Variants in ZFP91 observed in about 807,000 individuals in gnomAD.
ZFP91 encodes the protein ZFP91 zinc finger protein, atypical E3 ubiquitin ligase.
ZFP91 carries 7 observed loss-of-function variants against 63.5 expected under a neutral mutation model. That is an observed-to-expected ratio of 0.11 (90% CI 0.06 to 0.21). The LOEUF (loss-of-function observed/expected upper bound fraction) is 0.21. Ranked by LOEUF, ZFP91 falls within the 10% of genes least tolerant of loss-of-function variation. The pLI is 1.00. For synonymous variants in ZFP91, 330 were observed against 272.1 expected (o/e 1.21, Z -2.10); for missense variants, 628 against 736.6 (o/e 0.85, Z 1.71).
chr11:58,612,606 A>G, intron 7 of ZFP91, 156 bp from the exon 8 acceptor site: 1 of 653,716 alleles, frequency 1.5e-6, no homozygotes, highest in South Asian at 2.1e-5. Flanking sequence ...GGTTACTTCT[A>G]ATACAAATTC....
At chr11:58,586,271 G>A (rs10160259) in intron 2 of ZFP91, among the ~76,000 whole-genome samples, 1,666 of 152,256 alleles carry the variant, frequency 0.011, 38 homozygotes, top group African/African-American at 0.038. Context: ...GCCTTGAGGC[G>A]AACTTGAAGA....
intron 5 of ZFP91, chr11:58,611,308 A>G (rs1400040331): frequency 1.0e-5 from 5 of 485,028 alleles, no homozygotes; most frequent in African/African-American, 4.0e-5. Flanking sequence ...ACAAGGTATC[A>G]TGAATTGCCT....
rs1314556303 is a variant in ZFP91 at position 58,579,164 on chromosome 11, C to T, written c.-118C>T. 27 of 784,468 alleles carry T rather than the reference C, an allele frequency of 3.4e-5. No individual in the cohort carries two copies. Among genetic ancestry groups the T allele is most frequent in the Non-Finnish European group, 4.4e-5 (25 of 573,578 alleles). The allele number at this position is 784,468 out of a possible 1,614,324, so 48.6% of individuals were successfully genotyped here. On this transcript the variant is annotated 5_prime_UTR_variant, in exon 1 of 11. Coordinates refer to ENST00000316059, the MANE Select transcript of ZFP91 (RefSeq NM_053023.5). ...GCGGAGGGGAGGGGGGAAAGAGGAGCGCAGGGTGAGAGTGAGCCGCAGGCT... is the reference window on the plus strand; with the variant it reads ...GCGGAGGGGAGGGGGGAAAGAGGAGTGCAGGGTGAGAGTGAGCCGCAGGCT...
In ZFP91 at chr11:58,613,794, A is replaced by C. The variant is rs140395870; in HGVS notation, c.988-435A>C. ...GAAAGTGAAATACTGCTTAGGAAAT[A>C]CCTGTTTGATCTTCAGCAACAAATA... On this transcript the variant is annotated intron_variant, in intron 8 of 10. Coordinates refer to ENST00000316059, the MANE Select transcript of ZFP91 (RefSeq NM_053023.5). 3.7e-3 allele frequency among the ~76,000 whole-genome samples: 558 copies of C among 152,268 alleles called. 4 individuals are homozygous for C. Among genetic ancestry groups the C allele is most frequent in the Middle Eastern group, 0.01 (3 of 294 alleles).
At chr11:58,602,911 G>A (rs900898752) in intron 2 of ZFP91, among the ~76,000 whole-genome samples, 8 of 152,106 alleles carry the variant, frequency 5.3e-5, no homozygotes, top group Admixed American at 2.0e-4. Context: ...CCTAGGAGGC[G>A]ATGATTGCGG....
intron 2 of ZFP91, among the ~76,000 whole-genome samples, chr11:58,608,790 A>C (rs1353925123): frequency 6.6e-6 from 1 of 152,110 alleles, no homozygotes; most frequent in East Asian, 1.9e-4. Context: ...TTTTTGGTAG[A>C]GACGGGGTTT....
intron 2 of ZFP91, among the ~76,000 whole-genome samples, chr11:58,593,424 GTA>G (rs1465890142): frequency 2.0e-5 from 3 of 152,148 alleles, no homozygotes; most frequent in Admixed American, 6.5e-5. Flanking sequence ...TGCTACGCTT[GTA>G]TATGTCTTTC....
chr11:58,586,326 C>T lies in ZFP91; in HGVS notation c.370+1442C>T, dbSNP rs1855208534. On this transcript the variant is annotated intron_variant, in intron 2 of 10. Coordinates refer to ENST00000316059, the MANE Select transcript of ZFP91 (RefSeq NM_053023.5). ...CCTTTTGGAGAGAAAAGTAGATGAC[C>T]TTTGGGTAGACGTCTTTTTTTTGTT... Among the ~76,000 whole-genome samples, 3 of 152,056 alleles carry T rather than the reference C, an allele frequency of 2.0e-5. No individual in the cohort carries two copies. The South Asian group carries it at 6.2e-4, about 32-fold the overall frequency.
intron 6 of ZFP91, 92 bp from the exon 7 acceptor site, chr11:58,612,186 T>G (rs1855675920): frequency 1.6e-6 from 2 of 1,289,922 alleles, no homozygotes; most frequent in Non-Finnish European, 2.2e-6. Flanking sequence ...ACTTGTTCTT[T>G]GGCCGTGTGT....
intron 2 of ZFP91, among the ~76,000 whole-genome samples, chr11:58,598,541 G>A (rs567784733): frequency 4.6e-5 from 7 of 152,172 alleles, no homozygotes; most frequent in Non-Finnish European, 1.0e-4. Context: ...ACCCAAGCTA[G>A]TATGGCTTTT....
intron 1 of ZFP91, 98 bp from the exon 2 acceptor site, chr11:58,584,758 C>A: frequency 9.0e-7 from 1 of 1,109,162 alleles, no homozygotes; most frequent in Non-Finnish European, 1.3e-6. Context: ...AGTCTAGATG[C>A]TTTCTTTATC....
At chr11:58,591,143 A>G (rs1296568505) in intron 2 of ZFP91, among the ~76,000 whole-genome samples, 4 of 152,156 alleles carry the variant, frequency 2.6e-5, no homozygotes, top group Non-Finnish European at 4.4e-5. Context: ...CTTCAAGTCA[A>G]CCGCCCCCAA....
At chr11:58,616,691 A>G (rs749363096) in intron 9 of ZFP91, 25 bp from the exon 10 acceptor site, 2 of 1,600,538 alleles carry the variant, frequency 1.2e-6, no homozygotes, top group Non-Finnish European at 1.7e-6. Context: ...TAAATAGAAC[A>G]CTAACCACAG....
chr11:58,590,609 C>A (rs895065977), intron 2 of ZFP91, among the ~76,000 whole-genome samples: 6 of 152,142 alleles, frequency 3.9e-5, no homozygotes, highest in Admixed American at 2.6e-4. Context: ...GTATTTACAA[C>A]CCTATAAGCA....
At chr11:58,601,521 T>C (rs146425581) in intron 2 of ZFP91, among the ~76,000 whole-genome samples, 100 of 152,308 alleles carry the variant, frequency 6.6e-4, no homozygotes, top group African/African-American at 2.3e-3. Flanking sequence ...CCAACTTATT[T>C]ACTTTATTCT....
At position 58,617,887 on chromosome 11, in the gene ZFP91, C is replaced by G. The variant is rs903465324; in HGVS notation, c.*181C>G. On this transcript the variant is annotated 3_prime_UTR_variant, in exon 11 of 11. Coordinates refer to ENST00000316059, the MANE Select transcript of ZFP91 (RefSeq NM_053023.5). The surrounding 1 kb of genome is among the most constrained non-coding windows in gnomAD (Gnocchi z 4.2). Reference sequence around the variant, plus strand: ...CACCTCCCCATCCCCTGTTCTCCCTCTGTTGCTCCCCTTATAAAATTGATG... The same window carrying G: ...CACCTCCCCATCCCCTGTTCTCCCTGTGTTGCTCCCCTTATAAAATTGATG... The G allele has an allele frequency of 4.3e-5, 31 of 718,440 alleles. No homozygotes were observed. In the African/African-American group the frequency reaches 5.1e-4, roughly 12 times the overall value. 44.5% of individuals were successfully genotyped at this position (718,440 alleles called of 1,614,324 possible). A position where few individuals can be genotyped will look rare whatever the true frequency, so the allele number is the denominator to read the frequency against.
chr11:58,611,831 A>T (rs1217326953), intron 6 of ZFP91, 93 bp downstream of exon 6: 2 of 1,405,588 alleles, frequency 1.4e-6, no homozygotes, highest in East Asian at 4.9e-5. Context: ...GTTGACGTAT[A>T]CATGCTTCAA....
At chr11:58,615,175 A>G (rs1855729972) in intron 9 of ZFP91, among the ~76,000 whole-genome samples, 1 of 152,208 alleles carries the variant, frequency 6.6e-6, no homozygotes, top group Non-Finnish European at 1.5e-5. Context: ...GAAATGAGAT[A>G]ACATAAAATG....
chr11:58,594,854 A>G (rs1855369931), intron 2 of ZFP91, among the ~76,000 whole-genome samples: 1 of 152,194 alleles, frequency 6.6e-6, no homozygotes, highest in Non-Finnish European at 1.5e-5. Context: ...AAATTTCTCT[A>G]GTTCTGTTTT....
Sources: gnomAD v4.1 joint callset for allele counts (sites outside exome capture counted in the v4.1 genomes callset) on GRCh38, gnomAD v4.1.1 for gene constraint, Gnocchi (gnomAD v3.1) non-coding constraint, MANE v1.5 for transcripts, NCBI Gene and HGNC (gene_info 2026-07-23, HGNC 2026-07-21) for gene names.